The following SUDS3 variants were observed in gnomAD, a reference collection of about 807,000 sequenced individuals.
SUDS3 encodes SIN3A corepressor complex component SDS3, also known as sin3 histone deacetylase corepressor complex component SDS3.
A neutral mutation model predicts 53.5 loss-of-function variants in SUDS3; 23 were observed. That is an observed-to-expected ratio of 0.43 (90% CI 0.31 to 0.61). SUDS3 has a LOEUF of 0.61. SUDS3 is among the 20% of genes least tolerant of loss of function. SUDS3 has a pLI of 0.10. For missense variants in SUDS3, 291 were observed against 405.9 expected, an observed-to-expected ratio of 0.72 and a Z score of 2.43; for synonymous variants, 150 against 148.5, an observed-to-expected ratio of 1.01 and a Z score of -0.08.
At chr12:118,409,174 G>T (rs918446654) in intron 10 of SUDS3, among the ~76,000 whole-genome samples, 1 of 147,616 alleles carries the variant, frequency 6.8e-6, no homozygotes, top group Non-Finnish European at 1.5e-5. Flanking sequence ...TTAAGATAGA[G>T]TCTCGCTCTG....
chr12:118,392,583 T>C (rs2046177136), intron 6 of SUDS3, among the ~76,000 whole-genome samples: 1 of 152,216 alleles, frequency 6.6e-6, no homozygotes, highest in Admixed American at 6.5e-5. Context: ...GGCAGTATAG[T>C]CTTGTTCTTG....
intron 6 of SUDS3, among the ~76,000 whole-genome samples, chr12:118,398,389 C>T (rs1454595228): frequency 6.6e-6 from 1 of 152,038 alleles, no homozygotes; most frequent in African/African-American, 2.4e-5. Flanking sequence ...TGTCACTGGC[C>T]AGTAACTAAC....
intron 5 of SUDS3, among the ~76,000 whole-genome samples, chr12:118,390,289 C>G (rs2046153543): frequency 6.6e-6 from 1 of 152,178 alleles, no homozygotes; most frequent in Admixed American, 6.5e-5. Context: ...CTCAGCAGTT[C>G]TGTTTTACAG....
At chr12:118,383,899 G>T in intron 2 of SUDS3, 113 bp from the exon 3 acceptor site, 2 of 902,030 alleles carry the variant, frequency 2.2e-6, no homozygotes, top group East Asian at 5.3e-5. Flanking sequence ...TCTCTTCCCT[G>T]AAGGACATTA....
chr12:118,401,135 C>T (rs1466604649), intron 7 of SUDS3, among the ~76,000 whole-genome samples: 1 of 152,134 alleles, frequency 6.6e-6, no homozygotes, highest in African/African-American at 2.4e-5. Flanking sequence ...CTTTATGTAC[C>T]TCTGTTATCT....
chr12:118,416,541 CA>C lies in SUDS3; in HGVS notation c.*2110del, dbSNP rs1379881427. 1 of 152,296 alleles carries C rather than the reference CA, an allele frequency of 6.6e-6. No individual in the cohort carries two copies. The highest frequency in any genetic ancestry group is 1.5e-5 in the Non-Finnish European group (1 of 68,034). The allele number at this position is 152,296 out of a possible 1,614,324, so 9.4% of individuals were successfully genotyped here. ...CATTGCCTTCTCCTCGGCGTCCTCA[CA>C]ACTCTTAATTGGGCCTAGTGAAAAT... On this transcript the variant is annotated 3_prime_UTR_variant, in exon 12 of 12. Transcript: ENST00000543473.
intron 6 of SUDS3, among the ~76,000 whole-genome samples, chr12:118,392,761 A>C (rs531262057): frequency 3.2e-4 from 48 of 152,308 alleles, no homozygotes; most frequent in Admixed American, 1.0e-3. Context: ...AGCCTTCATT[A>C]GGCTAGTGGG....
At chr12:118,394,866 T>C (rs1340624296) in intron 6 of SUDS3, among the ~76,000 whole-genome samples, 1 of 152,060 alleles carries the variant, frequency 6.6e-6, no homozygotes, top group African/African-American at 2.4e-5. Context: ...TTGTACTTTT[T>C]GTAGAGATAG....
At position 118,414,628 on chromosome 12, in the gene SUDS3, T is replaced by A; in HGVS notation, c.*195T>A. ...TCCAACTTTGTCAGTCTTTTCTGCC[T>A]CAACTTCTTCCAGACATCAGTCACC... On this transcript the variant is annotated 3_prime_UTR_variant, in exon 12 of 12. Coordinates refer to ENST00000543473, the MANE Select transcript of SUDS3 (RefSeq NM_022491.3). 2.1e-6 allele frequency: 1 copy of A among 474,634 alleles called. No individual in the cohort carries two copies. The highest frequency in any genetic ancestry group is 3.7e-6 in the Non-Finnish European group (1 of 269,976). 29.4% of individuals were successfully genotyped at this position (474,634 alleles called of 1,614,324 possible). A position where few individuals can be genotyped will look rare whatever the true frequency, so the allele number is the denominator to read the frequency against.
At chr12:118,393,261 G>T (rs1210943896) in intron 6 of SUDS3, among the ~76,000 whole-genome samples, 1 of 152,138 alleles carries the variant, frequency 6.6e-6, no homozygotes, top group African/African-American at 2.4e-5. Flanking sequence ...TATCATTGTT[G>T]CCCAGCTCTG....
At chr12:118,390,334 T>C (rs149189790) in intron 5 of SUDS3, among the ~76,000 whole-genome samples, 2,488 of 152,322 alleles carry the variant, frequency 0.016, 28 homozygotes, top group South Asian at 0.042. Flanking sequence ...AAAGACAGAT[T>C]TCTAATTTTT....
chr12:118,403,694 T>G (rs1423786005), intron 10 of SUDS3, among the ~76,000 whole-genome samples, 177 bp downstream of exon 10: 2 of 152,208 alleles, frequency 1.3e-5, no homozygotes, highest in Non-Finnish European at 2.9e-5. Context: ...CGGTGGATCT[T>G]TGAAAGCAGC....
intron 1 of SUDS3, among the ~76,000 whole-genome samples, chr12:118,378,537 A>C (rs926539405): frequency 6.7e-6 from 1 of 148,854 alleles, no homozygotes; most frequent in African/African-American, 2.5e-5. Flanking sequence ...GCTGGTGTGC[A>C]GTGTCACGAT....
chr12:118,378,163 A>G (rs962331397), intron 1 of SUDS3, among the ~76,000 whole-genome samples: 4 of 152,180 alleles, frequency 2.6e-5, no homozygotes, highest in African/African-American at 4.8e-5. Flanking sequence ...CACCCCAGCC[A>G]TTAGCTTGTT....
chr12:118,379,991 T>C (rs1172676071), intron 1 of SUDS3, among the ~76,000 whole-genome samples, 171 bp from the exon 2 acceptor site: 1 of 152,206 alleles, frequency 6.6e-6, no homozygotes, highest in South Asian at 2.1e-4. Flanking sequence ...TGTTTGCAGA[T>C]AGGGATGGCC....
intron 2 of SUDS3, among the ~76,000 whole-genome samples, chr12:118,382,358 GAGACAGTAGCCACTTTTTTTT>G (rs1566196245): frequency 1.3e-5 from 1 of 79,082 alleles, no homozygotes; most frequent in Non-Finnish European, 2.2e-5. Flanking sequence ...ACTTTTTTTT[GAGACAGTAGCCACTTTTTTTT>G]GAGACAGTAT....
intron 1 of SUDS3, among the ~76,000 whole-genome samples, chr12:118,378,924 C>T (rs2046028633): frequency 6.6e-6 from 1 of 151,912 alleles, no homozygotes; most frequent in Non-Finnish European, 1.5e-5. Context: ...ATCCACCTGC[C>T]TTTGCCTCCC....
At chr12:118,408,692 T>G (rs569612162) in intron 10 of SUDS3, among the ~76,000 whole-genome samples, 26 of 143,130 alleles carry the variant, frequency 1.8e-4, no homozygotes, top group Non-Finnish European at 3.1e-4. Context: ...TTTTTTTTGG[T>G]TTTTTTTTTT....
At chr12:118,394,079 AC>A (rs1378326973) in intron 6 of SUDS3, among the ~76,000 whole-genome samples, 1 of 152,172 alleles carries the variant, frequency 6.6e-6, no homozygotes, top group Non-Finnish European at 1.5e-5. Flanking sequence ...TTTCCCAAGC[AC>A]TTACACTGAG....
Sources: gnomAD v4.1 joint callset for allele counts (sites outside exome capture counted in the v4.1 genomes callset) on GRCh38, gnomAD v4.1.1 for gene constraint, MANE v1.5 for transcripts, NCBI Gene and HGNC (gene_info 2026-07-23, HGNC 2026-07-21) for gene names.